The following HAGH variants were observed in gnomAD, a reference collection of about 807,000 sequenced individuals.
The protein encoded by HAGH is hydroxyacylglutathione hydrolase.
Under a neutral mutation model 35.1 loss-of-function variants are expected in HAGH, and 29 were observed. That is an observed-to-expected ratio of 0.83 (90% CI 0.62 to 1.13). The LOEUF (loss-of-function observed/expected upper bound fraction) is 1.13, where lower values mean the gene tolerates loss of function less well. HAGH is among the 50% of genes most tolerant of loss of function. The pLI, the probability that HAGH is intolerant of heterozygous loss-of-function variation, is 0.00. For synonymous variants in HAGH, 225 were observed against 176.1 expected, an observed-to-expected ratio of 1.28 and a Z score of -2.20; for missense variants, 478 against 419.6, an observed-to-expected ratio of 1.14 and a Z score of -1.22.
At chr16:1,814,952 CACACATAT>C (rs1596919130) in intron 7 of HAGH, among the ~76,000 whole-genome samples, 3 of 124,606 alleles carry the variant, frequency 2.4e-5, no homozygotes, top group East Asian at 2.5e-4. Context: ...CACACACACA[CACACATAT>C]ATATATATAT....
Position 1,807,816 on chromosome 16 carries a change from T to TG in HAGH, c.*1466dup, listed in dbSNP as rs1897474491. The TG allele has an allele frequency of 6.9e-6, 1 of 145,792 alleles. No individual in the cohort carries two copies. Among genetic ancestry groups the TG allele is most frequent in the Non-Finnish European group, 1.5e-5 (1 of 66,546 alleles). 9.0% of individuals were successfully genotyped at this position (145,792 alleles called of 1,614,324 possible). A position where few individuals can be genotyped will look rare whatever the true frequency, so the allele number is the denominator to read the frequency against. Reference sequence around the variant, plus strand: ...GTCTGCGAGTATGCGAACAGACCAGTGACCCCTCCGGGGGGAGGGCATGCA... The same window carrying TG: ...GTCTGCGAGTATGCGAACAGACCAGTGGACCCCTCCGGGGGGAGGGCATGCA... On this transcript the variant is annotated 3_prime_UTR_variant, in exon 9 of 9. Coordinates refer to ENST00000397356, the MANE Select transcript of HAGH (RefSeq NM_005326.6).
At chr16:1,827,061 G>A (rs574585733), upstream of HAGH, 4 of 957,944 alleles carry the variant, frequency 4.2e-6, no homozygotes, top group African/African-American at 1.7e-5. Flanking sequence ...TTTTGGCACC[G>A]CACAGTGGAT....
chr16:1,818,681 C>G (rs1898014580), intron 5 of HAGH: 1 of 163,300 alleles, frequency 6.1e-6, no homozygotes, highest in African/African-American at 2.4e-5. Flanking sequence ...TGAGGCCGTC[C>G]CCCGGCCATA....
At chr16:1,817,416 GC>G (rs892054343) in intron 5 of HAGH, 145 bp from the exon 6 acceptor site, 6 of 653,658 alleles carry the variant, frequency 9.2e-6, no homozygotes, top group South Asian at 3.5e-5. Context: ...CCCAGACTCA[GC>G]CCCCCTGCAT....
intron 7 of HAGH, among the ~76,000 whole-genome samples, chr16:1,812,984 G>A (rs779790837): frequency 6.6e-6 from 1 of 152,172 alleles, no homozygotes; most frequent in Non-Finnish European, 1.5e-5. Flanking sequence ...GGGGAGTTTG[G>A]CAGTTTCTTT....
In HAGH at chr16:1,823,034, G is replaced by A. The variant is rs1418343185; in HGVS notation, c.80C>T (p.Pro27Leu). 6.2e-7 allele frequency: 1 copy of A among 1,613,328 alleles called. No homozygotes were observed. The highest frequency in any genetic ancestry group is 1.3e-5 in the African/African-American group (1 of 74,940). Residue 27 changes from proline to leucine, a missense_variant, in exon 2 of 9, where the codon CCA (proline) becomes CTA (leucine). Physicochemically the swap from Pro to Leu is moderately conservative, Grantham distance 98 (BLOSUM62 -3). Coordinates refer to ENST00000397356, the MANE Select transcript of HAGH (RefSeq NM_005326.6). ...GAACARRGLG[P>L]ALLGVFCHTD... The stretch of plus-strand genomic sequence containing the variant: ...GTGGCAGAAAACTCCCAGCAGGGCT[G>A]GACCTGCAGACACAGAGCACAACTC...
intron 3 of HAGH, 54 bp downstream of exon 3, chr16:1,822,246 C>G (rs1898184780): frequency 8.3e-7 from 1 of 1,208,192 alleles, no homozygotes; most frequent in Non-Finnish European, 1.2e-6. Flanking sequence ...CCTAAACCCA[C>G]CGGGGCGAGA....
intron 7 of HAGH, among the ~76,000 whole-genome samples, chr16:1,815,509 C>G (rs981071764): frequency 2.0e-5 from 3 of 152,146 alleles, no homozygotes; most frequent in East Asian, 1.9e-4. Flanking sequence ...TCAGCGGGGC[C>G]GAGAATGCCA....
At chr16:1,822,177 G>T in intron 3 of HAGH, 123 bp downstream of exon 3, 2 of 689,122 alleles carry the variant, frequency 2.9e-6, no homozygotes, top group Non-Finnish European at 5.2e-6. Context: ...TCAGAAGTCT[G>T]CTGGGGGCTT....
intron 1 of HAGH, 146 bp from the exon 2 acceptor site, chr16:1,823,183 G>T: frequency 2.9e-6 from 2 of 695,168 alleles, no homozygotes; most frequent in Non-Finnish European, 2.5e-6. Flanking sequence ...GGGAATCCCA[G>T]CGCTTTAAGA....
upstream of HAGH, chr16:1,826,959 C>T: frequency 1.6e-6 from 1 of 615,740 alleles, no homozygotes; most frequent in Non-Finnish European, 2.6e-6. Flanking sequence ...TCCGCGAGCC[C>T]CGACTGCCAC....
chr16:1,811,637 C>T (rs1309579346), intron 7 of HAGH, among the ~76,000 whole-genome samples: 2 of 152,024 alleles, frequency 1.3e-5, no homozygotes, highest in African/African-American at 2.4e-5. Flanking sequence ...CGCTTGAACC[C>T]GGGAGGCGGA....
intron 5 of HAGH, among the ~76,000 whole-genome samples, chr16:1,817,488 C>G (rs951255915): frequency 2.0e-5 from 3 of 152,170 alleles, no homozygotes; most frequent in African/African-American, 7.2e-5. Context: ...ACTGGCCGAG[C>G]AGACCCGAAA....
At chr16:1,818,680 C>G (rs1346627407) in intron 5 of HAGH, 2 of 163,094 alleles carry the variant, frequency 1.2e-5, no homozygotes, top group Admixed American at 1.3e-4. Flanking sequence ...GTGAGGCCGT[C>G]CCCCGGCCAT....
At chr16:1,812,906 A>AAGAC (rs1897726746) in intron 7 of HAGH, among the ~76,000 whole-genome samples, 1 of 152,160 alleles carries the variant, frequency 6.6e-6, no homozygotes, top group Non-Finnish European at 1.5e-5. Flanking sequence ...GGTGTGCCGA[A>AAGAC]AGACACGGAC....
At chr16:1,814,611 A>G (rs183284061) in intron 7 of HAGH, among the ~76,000 whole-genome samples, 6 of 152,154 alleles carry the variant, frequency 3.9e-5, no homozygotes, top group Admixed American at 3.3e-4. Flanking sequence ...TTTTAAATAT[A>G]TATCTCAGCT....
At chr16:1,814,759 G>A (rs951907720) in intron 7 of HAGH, among the ~76,000 whole-genome samples, 2 of 151,910 alleles carry the variant, frequency 1.3e-5, no homozygotes, top group African/African-American at 2.4e-5. Flanking sequence ...TTAGCTGGGC[G>A]TGGTGACGGG....
Position 1,809,270 on chromosome 16 carries a change from G to C in HAGH, c.*13C>G, listed in dbSNP as rs375494268. On this transcript the variant is annotated 3_prime_UTR_variant, in exon 9 of 9. Coordinates refer to ENST00000397356, the MANE Select transcript of HAGH (RefSeq NM_005326.6). ...AGCCTAATCCCCAAATCCGCTGAAGGTGCAGGGCGGCCTCAGTCCCGGGGC... is the reference window on the plus strand; with the variant it reads ...AGCCTAATCCCCAAATCCGCTGAAGCTGCAGGGCGGCCTCAGTCCCGGGGC... The C allele has an allele frequency of 3.8e-6, 6 of 1,570,744 alleles. No homozygotes were observed. The African/African-American group carries it at 8.1e-5, about 21-fold the overall frequency.
intron 1 of HAGH, among the ~76,000 whole-genome samples, chr16:1,824,934 G>A (rs992036678): frequency 1.3e-5 from 2 of 151,346 alleles, no homozygotes; most frequent in African/African-American, 4.9e-5. Context: ...GGGGGCTGCA[G>A]GTGGGGTGCA....
Sources: gnomAD v4.1 joint callset for allele counts (sites outside exome capture counted in the v4.1 genomes callset) on GRCh38, gnomAD v4.1.1 for gene constraint, MANE v1.5 for transcripts, NCBI Gene and HGNC (gene_info 2026-07-23, HGNC 2026-07-21) for gene names.